Variants in ACCSL observed in about 807,000 individuals in gnomAD.
ACCSL encodes the protein probable inactive 1-aminocyclopropane-1-carboxylate synthase-like protein 2.
ACCSL carries 55 observed loss-of-function variants against 61.7 expected under a neutral mutation model. That is an observed-to-expected ratio of 0.89 (90% CI 0.72 to 1.12). The LOEUF (loss-of-function observed/expected upper bound fraction) is 1.12, where lower values mean the gene tolerates loss of function less well. Ranked by LOEUF, ACCSL falls within the 50% of genes most tolerant of loss-of-function variation. ACCSL has a pLI of 0.00. For missense variants in ACCSL, 632 were observed against 698.0 expected (o/e 0.91, Z 1.07); for synonymous variants, 258 against 264.3 (o/e 0.98, Z 0.23).
chr11:43,979,119 T>C, the ACCSL span, among the ~76,000 whole-genome samples: 33 of 152,096 alleles, frequency 2.2e-4, no homozygotes, highest in Non-Finnish European at 1.2e-4. Flanking sequence ...CTGCTTCTGG[T>C]TTCTACTTCA....
chr11:43,978,662 G>A, the ACCSL span, among the ~76,000 whole-genome samples: 14 of 152,100 alleles, frequency 9.2e-5, no homozygotes, highest in Non-Finnish European at 1.9e-4. Context: ...TTTGAGGTGG[G>A]AAAACTTGTT....
At chr11:44,045,851 G>A (rs1434833443), upstream of ACCSL, among the ~76,000 whole-genome samples, 1 of 152,216 alleles carries the variant, frequency 6.6e-6, no homozygotes, top group Non-Finnish European at 1.5e-5. Flanking sequence ...TGACTTTGTT[G>A]TTAAGGTGAC....
At chr11:44,012,289 CT>C in the ACCSL span, among the ~76,000 whole-genome samples, 419 of 144,610 alleles carry the variant, frequency 2.9e-3, 1 homozygote, top group East Asian at 9.4e-3. Flanking sequence ...ATTTGATTAA[CT>C]TTTTTTTTTT....
At chr11:43,937,376 G>A in the ACCSL span, among the ~76,000 whole-genome samples, 1 of 152,214 alleles carries the variant, frequency 6.6e-6, no homozygotes, top group Admixed American at 6.5e-5. Flanking sequence ...GTGGCTAGGC[G>A]AGGCTTCTTC....
the ACCSL span, among the ~76,000 whole-genome samples, chr11:43,939,260 C>T: frequency 6.6e-6 from 1 of 152,188 alleles, no homozygotes; most frequent in African/African-American, 2.4e-5. Flanking sequence ...CAAGGTTCAC[C>T]AGCTTCTCAT....
At chr11:43,943,484 G>C in the ACCSL span, 15 of 1,395,302 alleles carry the variant, frequency 1.1e-5, no homozygotes, top group Non-Finnish European at 1.4e-5. The surrounding 1 kb of genome is among the most constrained non-coding windows in gnomAD (Gnocchi z 4.8). Flanking sequence ...GAGCGGGGCC[G>C]CTTTCCTCGT....
chr11:44,045,673 GA>G, upstream of ACCSL, among the ~76,000 whole-genome samples: 1 of 152,292 alleles, frequency 6.6e-6, no homozygotes, highest in South Asian at 2.1e-4. Flanking sequence ...GTCCCCGGCT[GA>G]GTGCTTGGTA....
At chr11:44,027,597 G>C in the ACCSL span, among the ~76,000 whole-genome samples, 2 of 152,124 alleles carry the variant, frequency 1.3e-5, no homozygotes, top group Admixed American at 1.3e-4. Context: ...GCCCCACTGA[G>C]GGTTAAAGAT....
chr11:44,002,106 A>T, the ACCSL span, among the ~76,000 whole-genome samples: 1 of 151,972 alleles, frequency 6.6e-6, no homozygotes, highest in East Asian at 1.9e-4. Flanking sequence ...GGAGGGGGGA[A>T]GTGTTTGCCC....
chr11:43,986,570 C>T, the ACCSL span, among the ~76,000 whole-genome samples: 1 of 152,182 alleles, frequency 6.6e-6, no homozygotes, highest in Non-Finnish European at 1.5e-5. Context: ...CTCTTGCTCA[C>T]TCCAGGGCTC....
chr11:44,010,794 A>T, the ACCSL span, among the ~76,000 whole-genome samples: 2 of 152,210 alleles, frequency 1.3e-5, no homozygotes, highest in African/African-American at 4.8e-5. Context: ...AAATTGAGAA[A>T]TGGAAGCAGG....
At chr11:44,037,082 C>T in the ACCSL span, among the ~76,000 whole-genome samples, 1 of 152,190 alleles carries the variant, frequency 6.6e-6, no homozygotes, top group South Asian at 2.1e-4. Context: ...AAGAGGAATT[C>T]TCCTCCTTTC....
chr11:43,967,034 A>G, the ACCSL span, among the ~76,000 whole-genome samples: 1 of 151,684 alleles, frequency 6.6e-6, no homozygotes, highest in African/African-American at 2.4e-5. Flanking sequence ...ATCTCATTAT[A>G]TTCACTTTTC....
rs187630793 is a variant in ACCSL, at chr11:44,055,258, C to A, written c.1106C>A (p.Ser369Tyr). 4.1e-4 allele frequency: 660 copies of A among 1,612,748 alleles called. 1 individual carries two copies. In the East Asian group the frequency reaches 7.6e-3, roughly 19 times the overall value. The change falls in exon 9 of 14, where the codon TCC (serine) becomes TAC (tyrosine). Residue 369 changes from serine to tyrosine, a missense_variant. Ser to Tyr is a moderately radical substitution (Grantham distance 144). Coordinates refer to ENST00000378832, the MANE Select transcript of ACCSL (RefSeq NM_001031854.2). Reference sequence around the variant, plus strand: ...TACATGCTGTCTGTGTTTGATGAATCCATCACATTCCACAGCATTCTGAGC... The same window carrying A: ...TACATGCTGTCTGTGTTTGATGAATACATCACATTCCACAGCATTCTGAGC... ...EIYMLSVFDE[S>Y]ITFHSILSMK...
At chr11:43,934,938 G>T in the ACCSL span, among the ~76,000 whole-genome samples, 3 of 152,122 alleles carry the variant, frequency 2.0e-5, no homozygotes, top group Admixed American at 2.0e-4. Flanking sequence ...GCCAAAGTGT[G>T]GGTAGGGACG....
chr11:44,034,041 G>T, the ACCSL span, among the ~76,000 whole-genome samples: 1 of 152,156 alleles, frequency 6.6e-6, no homozygotes, highest in African/African-American at 2.4e-5. Context: ...CCGGGCTTGG[G>T]CTGTCATTGT....
chr11:43,930,782 C>T, the ACCSL span, among the ~76,000 whole-genome samples: 3 of 152,074 alleles, frequency 2.0e-5, no homozygotes, highest in African/African-American at 4.8e-5. Flanking sequence ...TGACCACAAC[C>T]CATGGTAAAA....
At chr11:43,942,149 TGGGGAGCCGGGC>T in the ACCSL span, 1 of 152,510 alleles carries the variant, frequency 6.6e-6, no homozygotes, top group Non-Finnish European at 1.5e-5. Flanking sequence ...AGCTCAGCTC[TGGGGAGCCGGGC>T]GCTCAGGCTC....
chr11:44,056,619 G>A (rs896129212), intron 11 of ACCSL, among the ~76,000 whole-genome samples: 11 of 152,150 alleles, frequency 7.2e-5, no homozygotes, highest in African/African-American at 2.7e-4. Flanking sequence ...GATCACTTGA[G>A]GCCAGGAGTT....
Sources: allele counts gnomAD v4.1 joint callset (sites outside exome capture counted in the v4.1 genomes callset), GRCh38; gene constraint gnomAD v4.1.1; non-coding constraint Gnocchi (gnomAD v3.1); transcripts MANE v1.5; gene names NCBI Gene and HGNC (gene_info 2026-07-23, HGNC 2026-07-21).